SATL1: variants seen among roughly 807,000 people sequenced by gnomAD.
SATL1 encodes the protein spermidine/spermine N(1)-acetyltransferase-like protein 1.
SATL1 carries 47 observed loss-of-function variants against 51.8 expected under a neutral mutation model. That is an observed-to-expected ratio of 0.91 (90% CI 0.72 to 1.16). The LOEUF is 1.16. Ranked by LOEUF, SATL1 falls within the 50% of genes most tolerant of loss-of-function variation. SATL1 has a pLI of 0.00. For missense variants in SATL1, 520 were observed against 526.4 expected, an observed-to-expected ratio of 0.99 and a Z score of 0.12; for synonymous variants, 176 against 182.4, an observed-to-expected ratio of 0.97 and a Z score of 0.28.
intron 2 of SATL1, among the ~76,000 whole-genome samples, chrX:85,148,554 G>A (rs1339606572): frequency 1.8e-5 from 2 of 110,838 alleles, no homozygotes; most frequent in Admixed American, 9.6e-5. Flanking sequence ...AATGTTAAGG[G>A]CAGCCAGAGA....
At chrX:85,192,910 T>C (rs896078804) in intron 2 of SATL1, among the ~76,000 whole-genome samples, 10 of 111,916 alleles carry the variant, frequency 8.9e-5, no homozygotes, top group African/African-American at 2.6e-4. Context: ...CATTTATATG[T>C]ATTTTAAAAA....
At chrX:85,129,816 G>C (rs1250657309) in intron 2 of SATL1, among the ~76,000 whole-genome samples, 1 of 111,406 alleles carries the variant, frequency 9.0e-6, no homozygotes, top group African/African-American at 3.3e-5. Flanking sequence ...TTTGAGATGC[G>C]TTCCATCAGT....
At chrX:85,142,020 C>A (rs960238721) in intron 2 of SATL1, among the ~76,000 whole-genome samples, 5 of 99,298 alleles carry the variant, frequency 5.0e-5, no homozygotes, top group African/African-American at 1.4e-4. Context: ...GCAAAAACTG[C>A]AATTACTTTG....
chrX:85,225,510 A>C (rs1194508055), intron 1 of SATL1, among the ~76,000 whole-genome samples: 1 of 112,287 alleles, frequency 8.9e-6, no homozygotes, highest in East Asian at 2.8e-4. Flanking sequence ...AACAGGAGGA[A>C]GTCCCTAAAT....
At chrX:85,127,634 C>T (rs1925658718) in intron 2 of SATL1, among the ~76,000 whole-genome samples, 1 of 111,430 alleles carries the variant, frequency 9.0e-6, no homozygotes, top group Non-Finnish European at 1.9e-5. Context: ...ACTACCAATG[C>T]ATGAAGTGAA....
chrX:85,147,922 C>T (rs1011206454), intron 2 of SATL1, among the ~76,000 whole-genome samples: 8 of 111,806 alleles, frequency 7.2e-5, no homozygotes, highest in Non-Finnish European at 1.5e-4. Flanking sequence ...AGCACCTCTC[C>T]TCCTTCAAAG....
intron 2 of SATL1, among the ~76,000 whole-genome samples, chrX:85,113,542 A>G (rs1848752862): frequency 9.0e-6 from 1 of 111,514 alleles, no homozygotes; most frequent in African/African-American, 3.3e-5. Context: ...ACAAAAACTC[A>G]GAAACAACTG....
intron 2 of SATL1, among the ~76,000 whole-genome samples, chrX:85,139,238 C>G (rs750750205): frequency 9.0e-6 from 1 of 111,335 alleles, no homozygotes; most frequent in African/African-American, 3.3e-5. Flanking sequence ...ACAGCTAATA[C>G]TTTTATAGCA....
chrX:85,150,677 A>G (rs1475256952), intron 2 of SATL1, among the ~76,000 whole-genome samples: 2 of 111,851 alleles, frequency 1.8e-5, no homozygotes, highest in Non-Finnish European at 3.8e-5. Context: ...AAATCAATAA[A>G]CATAATCCAG....
chrX:85,180,395 T>A (rs1440686077), intron 2 of SATL1, among the ~76,000 whole-genome samples: 1 of 111,217 alleles, frequency 9.0e-6, no homozygotes, highest in Non-Finnish European at 1.9e-5. Flanking sequence ...TATAGCCTAC[T>A]ACATACCTAG....
chrX:85,230,406 TC>T (rs1236538349), intron 1 of SATL1, among the ~76,000 whole-genome samples: 2 of 112,135 alleles, frequency 1.8e-5, no homozygotes, highest in Admixed American at 9.4e-5. Flanking sequence ...TTATTTTATG[TC>T]ATACACAAAA....
Position 85,103,852 on chromosome X carries a change from A to G in SATL1, c.1693+12T>C. 1 of 1,168,213 alleles carries G rather than the reference A, an allele frequency of 8.6e-7. No individual in the cohort carries two copies. Among genetic ancestry groups the G allele is most frequent in the Non-Finnish European group, 1.2e-6 (1 of 857,589 alleles). On this transcript the variant is annotated intron_variant, in intron 4 of 7. Transcript: ENST00000644105. ...CTTTTTCTTGCTCTGAAAATACCAC[A>G]AAACACCTTACCAGCTGCTGTTAAC...
At chrX:85,170,866 A>C (rs1318666428) in intron 2 of SATL1, among the ~76,000 whole-genome samples, 2 of 111,922 alleles carry the variant, frequency 1.8e-5, no homozygotes, top group Admixed American at 9.5e-5. Context: ...AGTTATTAAC[A>C]TTATCTGGTA....
At chrX:85,230,177 C>T (rs1928352374) in intron 1 of SATL1, among the ~76,000 whole-genome samples, 1 of 111,426 alleles carries the variant, frequency 9.0e-6, no homozygotes, top group South Asian at 3.7e-4. Flanking sequence ...ATATATATTA[C>T]AAAGCTATAG....
At chrX:85,217,926 C>A (rs1022389739) in intron 2 of SATL1, among the ~76,000 whole-genome samples, 2 of 111,786 alleles carry the variant, frequency 1.8e-5, no homozygotes, top group Non-Finnish European at 3.8e-5. Flanking sequence ...TTGAACCATT[C>A]TTGTATGAAT....
chrX:85,201,659 CTTT>C (rs1927690027), intron 2 of SATL1, among the ~76,000 whole-genome samples: 1 of 111,125 alleles, frequency 9.0e-6, no homozygotes, highest in Non-Finnish European at 1.9e-5. Context: ...CTGCTTCCTT[CTTT>C]GTGTTCATAA....
At position 85,092,493 on chromosome X, in the gene SATL1, G is replaced by A; in HGVS notation, c.1986C>T (p.Asn662=). The part of the protein sequence containing the change: ...LVVIWNQASI[N]YYTSRGALDL... ...CTAAAGCCCCTCGACTAGTATAGTA[G>A]TTGATAGAAGCCTGGTTCCAAATGA... Residue 662 remains asparagine (N), a synonymous_variant, in exon 8 of 8, where the codon AAC becomes AAT. Transcript: ENST00000644105. 8.3e-7 allele frequency: 1 copy of A among 1,210,261 alleles called. No individual in the cohort carries two copies. The highest frequency in any genetic ancestry group is 1.8e-5 in the South Asian group (1 of 56,606).
intron 2 of SATL1, among the ~76,000 whole-genome samples, chrX:85,144,801 T>C (rs1926190904): frequency 9.0e-6 from 1 of 111,481 alleles, no homozygotes; most frequent in African/African-American, 3.3e-5. Flanking sequence ...CTGAGACGGC[T>C]GGGTCTCTTG....
intron 1 of SATL1, among the ~76,000 whole-genome samples, chrX:85,241,709 G>A (rs777182345): frequency 8.9e-6 from 1 of 111,851 alleles, no homozygotes; most frequent in South Asian, 3.7e-4. Context: ...AGTGGAAACT[G>A]ATAGCAATGT....
Sources: gnomAD v4.1 joint callset for allele counts (sites outside exome capture counted in the v4.1 genomes callset) on GRCh38, gnomAD v4.1.1 for gene constraint, MANE v1.5 for transcripts, NCBI Gene and HGNC (gene_info 2026-07-23, HGNC 2026-07-21) for gene names.